CSMD3: variants seen among roughly 807,000 people sequenced by gnomAD.
CSMD3 encodes the protein CUB and Sushi multiple domains 3.
Under a neutral mutation model 435.2 loss-of-function variants are expected in CSMD3, and 177 were observed. The ratio of observed to expected loss-of-function variants is 0.41; its 90% CI spans 0.36 to 0.46. The LOEUF is 0.46. CSMD3 is among the 20% of genes least tolerant of loss of function. The pLI, the probability that CSMD3 is intolerant of heterozygous loss-of-function variation, is 0.34. For synonymous variants in CSMD3, 1,656 were observed against 1,520.5 expected, an observed-to-expected ratio of 1.09 and a Z score of -2.07; for missense variants, 4,265 against 4,504.6, an observed-to-expected ratio of 0.95 and a Z score of 1.52.
rs1239066782 is a variant in CSMD3, at chr8:112,800,351, T to C, written c.1860-77A>G. Reference sequence around the variant, plus strand: ...GCATACAAATTATAAGACAGATGTGTTTCTCAATACTTTCTTTGCTAGAAA... The same window carrying C: ...GCATACAAATTATAAGACAGATGTGCTTCTCAATACTTTCTTTGCTAGAAA... On this transcript the variant is annotated intron_variant, in intron 12 of 70. Coordinates refer to ENST00000297405, the MANE Select transcript of CSMD3 (RefSeq NM_198123.2). 5.2e-6 allele frequency: 5 copies of C among 955,346 alleles called. No individual in the cohort carries two copies. The African/African-American group carries it at 8.0e-5, about 15-fold the overall frequency. 59.2% of individuals were successfully genotyped at this position (955,346 alleles called of 1,614,324 possible).
chr8:113,172,718 T>C (rs922535108), intron 4 of CSMD3, among the ~76,000 whole-genome samples: 2 of 152,174 alleles, frequency 1.3e-5, no homozygotes, highest in Non-Finnish European at 2.9e-5. Flanking sequence ...GGTGCATGTA[T>C]TTGCAGTGAC....
At chr8:112,770,983 A>C (rs955962415) in intron 13 of CSMD3, among the ~76,000 whole-genome samples, 4 of 152,166 alleles carry the variant, frequency 2.6e-5, no homozygotes, top group African/African-American at 9.6e-5. Context: ...CTGGAAAAAA[A>C]TGGTGGTTGC....
chr8:113,421,208 A>G (rs1208232993), intron 1 of CSMD3, among the ~76,000 whole-genome samples: 1 of 152,182 alleles, frequency 6.6e-6, no homozygotes, highest in Non-Finnish European at 1.5e-5. Flanking sequence ...ATAGAACACA[A>G]TCACATATGA....
intron 32 of CSMD3, among the ~76,000 whole-genome samples, chr8:112,458,209 T>TCTCACACACACACA (rs1554579442): frequency 1.5e-5 from 1 of 68,286 alleles, no homozygotes; most frequent in Non-Finnish European, 4.0e-5. Context: ...ACACACACAC[T>TCTCACACACACACA]CACACCCACA....
intron 4 of CSMD3, among the ~76,000 whole-genome samples, chr8:113,122,682 T>A (rs2091018729): frequency 6.6e-6 from 1 of 152,024 alleles, no homozygotes; most frequent in Non-Finnish European, 1.5e-5. Context: ...AGCCTCCAGA[T>A]GCTGGAAAAG....
At chr8:112,750,092 G>A (rs948402976) in intron 13 of CSMD3, among the ~76,000 whole-genome samples, 4 of 151,970 alleles carry the variant, frequency 2.6e-5, no homozygotes, top group East Asian at 1.9e-4. Context: ...CACATAAGTC[G>A]ATGTAGAGTG....
intron 22 of CSMD3, among the ~76,000 whole-genome samples, chr8:112,605,437 T>C (rs944620264): frequency 9.2e-5 from 14 of 152,148 alleles, no homozygotes; most frequent in African/African-American, 2.7e-4. Context: ...TATGGAATAC[T>C]ACATAGTCAT....
intron 4 of CSMD3, among the ~76,000 whole-genome samples, chr8:113,172,437 A>G (rs944666813): frequency 6.6e-6 from 1 of 152,202 alleles, no homozygotes; most frequent in Non-Finnish European, 1.5e-5. Context: ...TAATTGTGGT[A>G]GCCGTAGTAG....
At chr8:112,649,910 G>A (rs191253043) in intron 19 of CSMD3, among the ~76,000 whole-genome samples, 20 of 152,248 alleles carry the variant, frequency 1.3e-4, no homozygotes, top group Admixed American at 9.8e-4. Flanking sequence ...AGTTACACAG[G>A]TGAGTTTTAA....
Position 112,306,044 on chromosome 8 carries a change from T to G in CSMD3, c.8034A>C (p.Gly2678=). 6.2e-7 allele frequency: 1 copy of G among 1,613,906 alleles called. No individual in the cohort carries two copies. Among genetic ancestry groups the G allele is most frequent in the Non-Finnish European group, 8.5e-7 (1 of 1,179,864 alleles). Reference sequence around the variant, plus strand: ...GGGTCTTGTTATGATTGCTCCATGTTCCATCTGATTGGCATACAGCTGTAG... The same window carrying G: ...GGGTCTTGTTATGATTGCTCCATGTGCCATCTGATTGGCATACAGCTGTAG... ...ELTTAVCQSD[G]TWSNHNKTPR... Residue 2678 remains glycine (G), a synonymous_variant, in exon 51 of 71, where the codon GGA becomes GGC. Coordinates refer to ENST00000297405, the MANE Select transcript of CSMD3 (RefSeq NM_198123.2).
At chr8:112,315,777 C>T (rs945749961) in intron 47 of CSMD3, among the ~76,000 whole-genome samples, 5 of 151,732 alleles carry the variant, frequency 3.3e-5, no homozygotes, top group Non-Finnish European at 7.4e-5. Flanking sequence ...AAATATATCC[C>T]ATGCAATTTC....
At position 112,626,445 on chromosome 8, in the gene CSMD3, T is replaced by C. The variant is rs1357593044; in HGVS notation, c.3715+10372A>G. On this transcript the variant is annotated intron_variant, in intron 22 of 70. Transcript: ENST00000297405. ...TATTAGAAATCAGCCTCTGTATTAA[T>C]GGCATATATATTTTCTATTATTTTT... Among the ~76,000 whole-genome samples, 4 of 152,242 alleles carry C rather than the reference T, an allele frequency of 2.6e-5. No homozygotes were observed. The East Asian group carries it at 7.7e-4, about 29-fold the overall frequency.
intron 1 of CSMD3, among the ~76,000 whole-genome samples, chr8:113,339,629 A>G (rs555130929): frequency 3.2e-4 from 48 of 152,096 alleles, no homozygotes; most frequent in African/African-American, 1.0e-3. Flanking sequence ...ATGTATGCCA[A>G]TTGGGTCCAA....
chr8:113,270,415 G>T (rs1228772267), intron 3 of CSMD3, among the ~76,000 whole-genome samples: 1 of 152,126 alleles, frequency 6.6e-6, no homozygotes, highest in African/African-American at 2.4e-5. Context: ...AAGATAGTGT[G>T]GTGATTCCTC....
intron 22 of CSMD3, among the ~76,000 whole-genome samples, chr8:112,632,121 T>C (rs117028345): frequency 0.037 from 5,606 of 152,086 alleles, 155 homozygotes; most frequent in Non-Finnish European, 0.052. Flanking sequence ...CTTTATTCTT[T>C]CATATTTTGA....
chr8:112,544,980 G>A (rs760727833), intron 27 of CSMD3, among the ~76,000 whole-genome samples: 9 of 151,948 alleles, frequency 5.9e-5, no homozygotes, highest in Non-Finnish European at 1.3e-4. Context: ...ATATATACTC[G>A]TGGCATGAGT....
intron 13 of CSMD3, among the ~76,000 whole-genome samples, chr8:112,731,795 C>G (rs1387706398): frequency 1.3e-5 from 2 of 151,928 alleles, no homozygotes; most frequent in Non-Finnish European, 2.9e-5. Context: ...TCACTGAATT[C>G]AATTATCAGG....
At chr8:112,414,873 T>C (rs971521190) in intron 32 of CSMD3, among the ~76,000 whole-genome samples, 55 of 152,290 alleles carry the variant, frequency 3.6e-4, no homozygotes, top group African/African-American at 1.3e-3. Context: ...TTTGCCCCTG[T>C]GCTAGAGATG....
At chr8:113,319,256 G>A (rs565769300) in intron 1 of CSMD3, among the ~76,000 whole-genome samples, 9 of 151,920 alleles carry the variant, frequency 5.9e-5, no homozygotes, top group South Asian at 4.2e-4. Flanking sequence ...TCATACTTAC[G>A]GGAGTAAGGC....
Sources: gnomAD v4.1 joint callset for allele counts (sites outside exome capture counted in the v4.1 genomes callset) on GRCh38, gnomAD v4.1.1 for gene constraint, MANE v1.5 for transcripts, NCBI Gene and HGNC (gene_info 2026-07-23, HGNC 2026-07-21) for gene names.